The following DNAH10 variants were observed in gnomAD, a reference collection of about 807,000 sequenced individuals.
The protein encoded by DNAH10 is dynein axonemal heavy chain 10.
In DNAH10, 348 loss-of-function variants were observed where a neutral mutation model predicts 506.6. The observed-to-expected ratio is 0.69, with a 90% CI of 0.63 to 0.75. The LOEUF (loss-of-function observed/expected upper bound fraction) is 0.75. Ranked by LOEUF, DNAH10 falls within the 30% of genes least tolerant of loss-of-function variation. DNAH10 has a pLI of 0.00. For missense variants in DNAH10, 5,179 were observed against 5,787.1 expected (o/e 0.89, Z 3.41); for synonymous variants, 2,059 against 2,198.6 (o/e 0.94, Z 1.78).
rs1040924558 is a variant in DNAH10 at position 123,890,646 on chromosome 12, A to T, written c.8996-2587A>T. Among the ~76,000 whole-genome samples, 3 of 152,168 alleles carry T rather than the reference A, an allele frequency of 2.0e-5. No homozygotes were observed. The East Asian group carries it at 5.8e-4, about 29-fold the overall frequency. On this transcript the variant is annotated intron_variant, in intron 52 of 78. Coordinates refer to ENST00000673944, the MANE Select transcript of DNAH10 (RefSeq NM_001372106.1). ...CGTGGGGACGAGATTAGAGGGGAAC[A>T]GGAGTGGGAGAGGGGCATCCAGTTT... is the stretch of plus-strand genomic sequence containing the variant.
At chr12:123,932,381 G>C (rs773112186) in intron 76 of DNAH10, among the ~76,000 whole-genome samples, 1 of 151,536 alleles carries the variant, frequency 6.6e-6, no homozygotes, top group Non-Finnish European at 1.5e-5. Flanking sequence ...CAGCTAGCTC[G>C]TTCTTTTTTA....
At position 123,850,193 on chromosome 12, in the gene DNAH10, C is replaced by A. The variant is rs77897912; in HGVS notation, c.6103-695C>A. On this transcript the variant is annotated intron_variant, in intron 34 of 78. Coordinates refer to ENST00000673944, the MANE Select transcript of DNAH10 (RefSeq NM_001372106.1). This position sits in a 1 kb window ranked among gnomAD's most constrained non-coding sequence, Gnocchi z 5.5. ...TGTGCCTCCTAACAACAAAAATTTT[C>A]TGTCCTCTGCCTGGCTGGTGGACAA... Among the ~76,000 whole-genome samples, 6,670 of 150,442 alleles carry A rather than the reference C, an allele frequency of 0.044. 362 individuals carry two copies. Among genetic ancestry groups the A allele is most frequent in the African/African-American group, 0.13 (5,349 of 40,740 alleles).
Position 123,925,184 on chromosome 12 carries a change from G to A in DNAH10, c.11901G>A (p.Val3967=), listed in dbSNP as rs1324854890. 6.2e-7 allele frequency: 1 copy of A among 1,613,974 alleles called. No homozygotes were observed. ...TCTATCGGGCCGTGACTGACTATGT[G>A]ACTGTAACAATGGGAGAGAAGTAAG... ...DRVYRAVTDY[V]TVTMGEKYVQ... is the part of the protein sequence containing the mutation. The change falls in exon 68 of 79, where the codon GTG becomes GTA. Residue 3967 remains valine (V), a synonymous_variant. Coordinates refer to ENST00000673944, the MANE Select transcript of DNAH10 (RefSeq NM_001372106.1). The surrounding 1 kb of genome is among the most constrained non-coding windows in gnomAD (Gnocchi z 4.0).
chr12:123,871,744 C>T, intron 45 of DNAH10, 142 bp downstream of exon 45: 1 of 1,033,366 alleles, frequency 9.7e-7, no homozygotes, highest in East Asian at 2.6e-5. Context: ...GCTTCTAGCT[C>T]AGGCTCTCAT....
At chr12:123,812,343 C>T (rs1219122800) in intron 19 of DNAH10, among the ~76,000 whole-genome samples, 11 of 152,030 alleles carry the variant, frequency 7.2e-5, no homozygotes, top group African/African-American at 1.7e-4. Context: ...CCCAGCTACT[C>T]GGGAGGCTGA....
intron 5 of DNAH10, 92 bp downstream of exon 5, chr12:123,774,356 T>G: frequency 1.0e-6 from 1 of 971,676 alleles, no homozygotes; most frequent in Non-Finnish European, 1.5e-6. Flanking sequence ...GCAGCTCTTC[T>G]GTCTCAGGTG....
rs753464841 is a variant in DNAH10 at position 123,933,469 on chromosome 12, A to G, written c.13435A>G (p.Lys4479Glu). The G allele has an allele frequency of 2.5e-6, 4 of 1,611,430 alleles. No individual in the cohort carries two copies. The Admixed American group carries it at 5.0e-5, about 20-fold the overall frequency. Residue 4479 changes from lysine to glutamate, a missense_variant, in exon 77 of 79, where the codon AAG (lysine) becomes GAG (glutamate). This residue lies in a region of DNAH10 where 4,844 missense variants were observed against 5,430.5 expected (regional missense o/e 0.89). Coordinates refer to ENST00000673944, the MANE Select transcript of DNAH10 (RefSeq NM_001372106.1). ...CTCCACCTTGTTCACACAAGTGACC[A>G]AGTTCCAGGATGCAGATGAAGTGAA... ...DRSTLFTQVTKFQDADEVNER... is the reference protein window; with the variant it reads ...DRSTLFTQVTEFQDADEVNER...
rs1202759586 is a variant in DNAH10 at position 123,907,387 on chromosome 12, A to C, written c.9816-1874A>C. On this transcript the variant is annotated intron_variant, in intron 57 of 78. Coordinates refer to ENST00000673944, the MANE Select transcript of DNAH10 (RefSeq NM_001372106.1). This position sits in a 1 kb window ranked among gnomAD's most constrained non-coding sequence, Gnocchi z 4.4. Reference sequence around the variant, plus strand: ...TATCATTCTCCCTTTCTCATTCCTGAGTTTGTTTTGTGATAGAAGAAAGGA... The same window carrying C: ...TATCATTCTCCCTTTCTCATTCCTGCGTTTGTTTTGTGATAGAAGAAAGGA... 6.6e-6 allele frequency among the ~76,000 whole-genome samples: 1 copy of C among 152,078 alleles called. No individual in the cohort carries two copies. Among genetic ancestry groups the C allele is most frequent in the Non-Finnish European group, 1.5e-5 (1 of 68,014 alleles).
In DNAH10 at chr12:123,835,430, T is replaced by C; in HGVS notation, c.4804T>C (p.Trp1602Arg). ...IEIWMLVQRK[W>R]MYLESIFIGG... The stretch of plus-strand genomic sequence containing the variant: ...GATTTGGATGTTGGTTCAGAGAAAA[T>C]GGATGTATCTTGAAAGTATTTTTAT... The change falls in exon 28 of 79, where the codon TGG becomes CGG. Residue 1602 changes from tryptophan (W) to arginine (R), a missense_variant. Trp to Arg is a moderately radical substitution (Grantham distance 101). This residue lies in a region of DNAH10 where 4,844 missense variants were observed against 5,430.5 expected (regional missense o/e 0.89). Coordinates refer to ENST00000673944, the MANE Select transcript of DNAH10 (RefSeq NM_001372106.1). 1 of 1,611,316 alleles carries C rather than the reference T, an allele frequency of 6.2e-7. No individual in the cohort carries two copies. Among genetic ancestry groups the C allele is most frequent in the South Asian group, 1.1e-5 (1 of 90,380 alleles).
Position 123,880,145 on chromosome 12 carries a change from G to A in DNAH10, c.8634+344G>A, listed in dbSNP as rs568278443. 2.4e-3 allele frequency among the ~76,000 whole-genome samples: 361 copies of A among 152,226 alleles called. 1 individual carries two copies. Among genetic ancestry groups the A allele is most frequent in the African/African-American group, 8.4e-3 (350 of 41,530 alleles). ...AGATGAGCCTTGTTACCGGCTTTGG[G>A]TCGCTGCTGGCCAATCAAAGCCCAG... On this transcript the variant is annotated intron_variant, in intron 50 of 78. Coordinates refer to ENST00000673944, the MANE Select transcript of DNAH10 (RefSeq NM_001372106.1).
intron 21 of DNAH10, among the ~76,000 whole-genome samples, chr12:123,814,861 C>T (rs1959089412): frequency 6.6e-6 from 1 of 152,148 alleles, no homozygotes; most frequent in Non-Finnish European, 1.5e-5. Context: ...TTGTGATCCA[C>T]CCACCTTGGC....
chr12:123,914,122 T>C (rs1399126669), intron 60 of DNAH10, among the ~76,000 whole-genome samples: 1 of 152,230 alleles, frequency 6.6e-6, no homozygotes, highest in Non-Finnish European at 1.5e-5. Flanking sequence ...CCCTGCTTGA[T>C]GCTGGCTCCA....
intron 34 of DNAH10, among the ~76,000 whole-genome samples, chr12:123,849,714 T>G (rs779628450): frequency 1.3e-5 from 2 of 152,164 alleles, no homozygotes; most frequent in Non-Finnish European, 2.9e-5. Flanking sequence ...ACTGGAAAAC[T>G]CCTATACATC....
chr12:123,840,269 C>T (rs970221577), intron 29 of DNAH10, among the ~76,000 whole-genome samples: 2 of 152,044 alleles, frequency 1.3e-5, no homozygotes, highest in African/African-American at 2.4e-5. Context: ...CACTTAGGAA[C>T]GAGTGCTTTC....
Position 123,907,958 on chromosome 12 carries a change from G to T in DNAH10, c.9816-1303G>T, listed in dbSNP as rs1953863415. Among the ~76,000 whole-genome samples, 1 of 152,120 alleles carries T rather than the reference G, an allele frequency of 6.6e-6. No individual in the cohort carries two copies. Among genetic ancestry groups the T allele is most frequent in the Admixed American group, 6.5e-5 (1 of 15,276 alleles). On this transcript the variant is annotated intron_variant, in intron 57 of 78. Transcript: ENST00000673944. This position sits in a 1 kb window ranked among gnomAD's most constrained non-coding sequence, Gnocchi z 4.4. ...CCCTGGCTTGTCCGTACACTATGGG[G>T]CCTTCTCTCCTCTGCTGTCTGTGTG...
At chr12:123,918,008 T>C (rs1954562807) in intron 64 of DNAH10, among the ~76,000 whole-genome samples, 195 bp downstream of exon 64, 2 of 152,212 alleles carry the variant, frequency 1.3e-5, no homozygotes, top group Non-Finnish European at 2.9e-5. Context: ...CAGGTCAGTC[T>C]CTTTAAATCG....
intron 55 of DNAH10, 137 bp from the exon 56 acceptor site, chr12:123,898,516 G>A (rs1273288919): frequency 4.5e-6 from 5 of 1,109,438 alleles, no homozygotes; most frequent in Non-Finnish European, 6.2e-6. Context: ...TATGGCAGTG[G>A]AGGTACTGAA....
chr12:123,838,732 G>A (rs762828219), intron 29 of DNAH10, 43 bp downstream of exon 29: 1 of 1,570,798 alleles, frequency 6.4e-7, no homozygotes, highest in Non-Finnish European at 8.7e-7. Context: ...GTAAGCCTTA[G>A]AACCGCCTTC....
intron 62 of DNAH10, among the ~76,000 whole-genome samples, chr12:123,915,730 C>T (rs907563903): frequency 1.3e-5 from 2 of 152,150 alleles, no homozygotes; most frequent in African/African-American, 4.8e-5. Context: ...GAATGATATT[C>T]CGGTGTATGA....
Sources: allele counts gnomAD v4.1 joint callset (sites outside exome capture counted in the v4.1 genomes callset), GRCh38; gene constraint gnomAD v4.1.1; regional missense constraint gnomAD v4.1.1; non-coding constraint Gnocchi (gnomAD v3.1); transcripts MANE v1.5; gene names NCBI Gene and HGNC (gene_info 2026-07-23, HGNC 2026-07-21).